ST6GALNAC5: variants seen among roughly 807,000 people sequenced by gnomAD.
ST6GALNAC5 encodes the protein alpha-N-acetylgalactosaminide alpha-2,6-sialyltransferase 5.
In ST6GALNAC5, 27 loss-of-function variants were observed where a neutral mutation model predicts 33.6. The ratio of observed to expected loss-of-function variants is 0.80; its 90% CI spans 0.59 to 1.11. ST6GALNAC5 has a LOEUF of 1.11. Among genes scored for constraint, ST6GALNAC5 ranks in the 50% least tolerant of loss-of-function variants. ST6GALNAC5 has a pLI of 0.00. For missense variants in ST6GALNAC5, 428 were observed against 454.0 expected, an observed-to-expected ratio of 0.94 and a Z score of 0.52; for synonymous variants, 194 against 171.2, an observed-to-expected ratio of 1.13 and a Z score of -1.04.
chr1:76,915,345 ATATACCCAAAGGAC>A (rs1307804034), intron 2 of ST6GALNAC5, among the ~76,000 whole-genome samples: 1 of 152,082 alleles, frequency 6.6e-6, no homozygotes, highest in Non-Finnish European at 1.5e-5. Context: ...ATTACTGGGT[ATATACCCAAAGGAC>A]TATAAATCAT....
intron 2 of ST6GALNAC5, among the ~76,000 whole-genome samples, chr1:76,984,132 G>T (rs1049925815): frequency 8.5e-5 from 13 of 152,160 alleles, no homozygotes; most frequent in African/African-American, 2.7e-4. Context: ...AAATTAAAAT[G>T]CTAGCAGAAG....
chr1:76,938,107 G>A (rs1051648421), intron 2 of ST6GALNAC5, among the ~76,000 whole-genome samples: 45 of 152,150 alleles, frequency 3.0e-4, no homozygotes, highest in African/African-American at 1.0e-3. Context: ...TAATTTCAGA[G>A]TAGAGTTGTG....
At chr1:76,969,046 T>C (rs1276406307) in intron 2 of ST6GALNAC5, among the ~76,000 whole-genome samples, 2 of 151,522 alleles carry the variant, frequency 1.3e-5, no homozygotes, top group Non-Finnish European at 3.0e-5. Flanking sequence ...GAGAATCTGA[T>C]TCCCTTCCAA....
chr1:76,981,205 C>A (rs1376105054), intron 2 of ST6GALNAC5, among the ~76,000 whole-genome samples: 1 of 152,190 alleles, frequency 6.6e-6, no homozygotes, highest in Non-Finnish European at 1.5e-5. Context: ...ACCAGGGAAG[C>A]ATGAGGGGTC....
chr1:76,942,848 A>T lies in ST6GALNAC5; in HGVS notation c.261+74106A>T, dbSNP rs574133913. Among the ~76,000 whole-genome samples, 11 of 152,124 alleles carry T rather than the reference A, an allele frequency of 7.2e-5. No individual in the cohort carries two copies. The South Asian group carries it at 2.1e-3, about 29-fold the overall frequency. On this transcript the variant is annotated intron_variant, in intron 2 of 4. Coordinates refer to ENST00000477717, the MANE Select transcript of ST6GALNAC5 (RefSeq NM_030965.3). The stretch of plus-strand genomic sequence containing the variant: ...TTAGAACAGCTCTATCCAGCTGCAT[A>T]TCTAGACAGAACTTGACTCGACATC...
intron 2 of ST6GALNAC5, among the ~76,000 whole-genome samples, chr1:76,896,588 G>A (rs911215270): frequency 6.6e-6 from 1 of 152,032 alleles, no homozygotes; most frequent in Non-Finnish European, 1.5e-5. Flanking sequence ...GAAACATGGG[G>A]AAATGAGGTG....
In ST6GALNAC5 at chr1:76,940,684, A is replaced by G. The variant is rs1043365402; in HGVS notation, c.261+71942A>G. 2.6e-5 allele frequency among the ~76,000 whole-genome samples: 4 copies of G among 152,046 alleles called. No homozygotes were observed. In the East Asian group the frequency reaches 5.8e-4, roughly 22 times the overall value. On this transcript the variant is annotated intron_variant, in intron 2 of 4. Coordinates refer to ENST00000477717, the MANE Select transcript of ST6GALNAC5 (RefSeq NM_030965.3). ...AGCTAGAGAAAGTCTGCTGGACCCC[A>G]CCCTGCCTCTCTTCTAACTACTTTA...
intron 2 of ST6GALNAC5, among the ~76,000 whole-genome samples, chr1:77,039,287 A>C (rs199695): frequency 0.066 from 10,017 of 152,164 alleles, 430 homozygotes; most frequent in African/African-American, 0.12. Context: ...CTTACTGGGG[A>C]TTAATAACTG....
chr1:76,967,286 G>A (rs1385070884), intron 2 of ST6GALNAC5, among the ~76,000 whole-genome samples: 1 of 152,108 alleles, frequency 6.6e-6, no homozygotes, highest in Non-Finnish European at 1.5e-5. Flanking sequence ...CCTGTTATTG[G>A]TCTATTCAGA....
rs747416908 is a variant in ST6GALNAC5 at position 76,868,724 on chromosome 1, C to T, written c.243C>T (p.Leu81=). 1 of 1,511,574 alleles carries T rather than the reference C, an allele frequency of 6.6e-7. No individual in the cohort carries two copies. The highest frequency in any genetic ancestry group is 8.8e-7 in the Non-Finnish European group (1 of 1,132,806). The allele number at this position is 1,511,574 out of a possible 1,614,324, so 93.6% of individuals were successfully genotyped here. The part of the protein sequence containing the change: ...PAGPRPLDGY[L]GVADHKPLKM... ...GACCGCGGCCACTGGACGGATACCT[C>T]GGAGTGGCGGACCACAAGGTGACAG... Residue 81 remains leucine (L), a synonymous_variant, in exon 2 of 5, where the codon CTC becomes CTT. Coordinates refer to ENST00000477717, the MANE Select transcript of ST6GALNAC5 (RefSeq NM_030965.3). The surrounding 1 kb of genome is among the most constrained non-coding windows in gnomAD (Gnocchi z 4.3).
chr1:76,869,199 C>T (rs1653439282), intron 2 of ST6GALNAC5: 1 of 181,132 alleles, frequency 5.5e-6, no homozygotes, highest in Non-Finnish European at 1.1e-5. Flanking sequence ...CCAGCGTTCC[C>T]CTCTGATCTC....
At chr1:77,051,464 A>G (rs1652216421) in intron 4 of ST6GALNAC5, among the ~76,000 whole-genome samples, 1 of 152,198 alleles carries the variant, frequency 6.6e-6, no homozygotes, top group Admixed American at 6.5e-5. Flanking sequence ...TGGCCTGGTC[A>G]CTTACCCACC....
chr1:76,904,419 T>G (rs1181516901), intron 2 of ST6GALNAC5, among the ~76,000 whole-genome samples: 3 of 152,140 alleles, frequency 2.0e-5, no homozygotes, highest in African/African-American at 7.2e-5. Context: ...TCCATCAATA[T>G]TTGAACAAAT....
intron 2 of ST6GALNAC5, among the ~76,000 whole-genome samples, chr1:76,884,985 C>T (rs1653860782): frequency 6.6e-6 from 1 of 152,132 alleles, no homozygotes; most frequent in African/African-American, 2.4e-5. Context: ...GCAATACTGA[C>T]TGGTCTGACA....
chr1:76,978,342 A>G (rs987094350), intron 2 of ST6GALNAC5, among the ~76,000 whole-genome samples: 1 of 151,962 alleles, frequency 6.6e-6, no homozygotes, highest in Non-Finnish European at 1.5e-5. Context: ...CCATTTGTCT[A>G]TTTTTGCTTT....
At chr1:76,974,040 A>T (rs1648887958) in intron 2 of ST6GALNAC5, among the ~76,000 whole-genome samples, 4 of 152,018 alleles carry the variant, frequency 2.6e-5, no homozygotes, top group Non-Finnish European at 5.9e-5. Context: ...ATATAAGAAT[A>T]AAAAAACAAC....
intron 2 of ST6GALNAC5, among the ~76,000 whole-genome samples, chr1:76,963,531 C>G (rs1211371314): frequency 6.6e-6 from 1 of 152,146 alleles, no homozygotes; most frequent in Admixed American, 6.6e-5. Context: ...AATGGGGTGT[C>G]CAAATCACAA....
At chr1:77,002,106 A>T (rs1257084990) in intron 2 of ST6GALNAC5, among the ~76,000 whole-genome samples, 1 of 152,092 alleles carries the variant, frequency 6.6e-6, no homozygotes, top group Non-Finnish European at 1.5e-5. Flanking sequence ...TTCGGCTGTG[A>T]ATCCATCTGG....
chr1:76,914,825 G>A (rs1333914649), intron 2 of ST6GALNAC5, among the ~76,000 whole-genome samples: 1 of 152,130 alleles, frequency 6.6e-6, no homozygotes, highest in Admixed American at 6.6e-5. Flanking sequence ...GGCAACAAAA[G>A]CCAAAATTGA....
Sources: allele counts gnomAD v4.1 joint callset (sites outside exome capture counted in the v4.1 genomes callset), GRCh38; gene constraint gnomAD v4.1.1; non-coding constraint Gnocchi (gnomAD v3.1); transcripts MANE v1.5; gene names NCBI Gene and HGNC (gene_info 2026-07-23, HGNC 2026-07-21).